The following PACRG variants were observed in gnomAD, a reference collection of about 807,000 sequenced individuals.
PACRG encodes the protein parkin coregulated gene protein.
PACRG carries 29 observed loss-of-function variants against 29.7 expected under a neutral mutation model. That is an observed-to-expected ratio of 0.98 (90% CI 0.73 to 1.33). The LOEUF (loss-of-function observed/expected upper bound fraction) is 1.33. PACRG is among the 40% of genes most tolerant of loss of function. PACRG has a pLI of 0.00. For missense variants in PACRG, 279 were observed against 316.2 expected (o/e 0.88, Z 0.89); for synonymous variants, 116 against 118.7 (o/e 0.98, Z 0.15).
At chr6:162,942,587 C>T (rs1359156793) in intron 2 of PACRG, among the ~76,000 whole-genome samples, 2 of 152,024 alleles carry the variant, frequency 1.3e-5, no homozygotes, top group African/African-American at 4.8e-5. Flanking sequence ...CTGTATGTTC[C>T]AGTTCTTTGG....
intron 2 of PACRG, among the ~76,000 whole-genome samples, chr6:162,861,344 T>C (rs1273657740): frequency 6.6e-6 from 1 of 152,212 alleles, no homozygotes; most frequent in Non-Finnish European, 1.5e-5. Flanking sequence ...TTAGTAAAGA[T>C]TGTTTTAAGA....
chr6:163,142,604 A>G (rs1008263023), intron 4 of PACRG, among the ~76,000 whole-genome samples: 2 of 152,226 alleles, frequency 1.3e-5, no homozygotes, highest in African/African-American at 4.8e-5. Context: ...TCGAAGAAGA[A>G]GGTAGGATAA....
chr6:163,183,344 A>G (rs1779764140), intron 4 of PACRG: 1 of 152,230 alleles, frequency 6.6e-6, no homozygotes, highest in African/African-American at 2.4e-5. Flanking sequence ...TGACTAAGGA[A>G]CTTTATCCTG....
chr6:163,237,813 C>T (rs1368292467), intron 4 of PACRG, among the ~76,000 whole-genome samples: 1 of 152,128 alleles, frequency 6.6e-6, no homozygotes, highest in Admixed American at 6.5e-5. Flanking sequence ...TAGGTTATTA[C>T]TACATGTTTT....
chr6:162,995,072 C>T (rs1375125462), intron 2 of PACRG, among the ~76,000 whole-genome samples: 8 of 151,260 alleles, frequency 5.3e-5, no homozygotes, highest in Non-Finnish European at 8.8e-5. Context: ...GGGTCAGGGA[C>T]CCACTTGAGG....
chr6:162,954,722 T>A (rs75664571), intron 2 of PACRG, among the ~76,000 whole-genome samples: 1 of 152,154 alleles, frequency 6.6e-6, no homozygotes, highest in Non-Finnish European at 1.5e-5. Context: ...GAAAACCTCA[T>A]GTCAAGTAGC....
chr6:163,070,836 A>T (rs1312962887), intron 3 of PACRG, among the ~76,000 whole-genome samples: 2 of 152,058 alleles, frequency 1.3e-5, no homozygotes, highest in African/African-American at 2.4e-5. Context: ...ACACACGTAG[A>T]CTGAAAATAA....
chr6:162,875,907 G>A (rs989090404), intron 2 of PACRG, among the ~76,000 whole-genome samples: 3 of 152,138 alleles, frequency 2.0e-5, no homozygotes, highest in Non-Finnish European at 4.4e-5. Context: ...TTTCCCTGGA[G>A]CTTGAACTCA....
chr6:163,124,771 T>C (rs555550608), intron 4 of PACRG, among the ~76,000 whole-genome samples: 1 of 152,324 alleles, frequency 6.6e-6, no homozygotes, highest in South Asian at 2.1e-4. Context: ...GCCGTACAGC[T>C]GGAGGGTGCA....
At chr6:163,263,345 C>T (rs1783410017) in intron 4 of PACRG, among the ~76,000 whole-genome samples, 1 of 152,066 alleles carries the variant, frequency 6.6e-6, no homozygotes, top group South Asian at 2.1e-4. Flanking sequence ...AAGAGCTTCC[C>T]TCACAGACTT....
intron 2 of PACRG, among the ~76,000 whole-genome samples, chr6:162,978,854 T>C (rs1337449628): frequency 6.6e-6 from 1 of 152,166 alleles, no homozygotes; most frequent in African/African-American, 2.4e-5. Flanking sequence ...CAATTTCCTC[T>C]AGAACATTGA....
At chr6:163,313,547 A>C (rs1341064189) in intron 4 of PACRG, among the ~76,000 whole-genome samples, 1 of 152,248 alleles carries the variant, frequency 6.6e-6, no homozygotes, top group African/African-American at 2.4e-5. Context: ...ATGACTAATT[A>C]AGGATAAAAG....
In PACRG at chr6:163,269,999, GAAA is replaced by G. The variant is rs1562350576; in HGVS notation, c.614-44827_614-44825del. 1.3e-4 allele frequency among the ~76,000 whole-genome samples: 14 copies of G among 110,320 alleles called. 1 individual carries two copies. Among genetic ancestry groups the G allele is most frequent in the African/African-American group, 2.5e-4 (7 of 28,518 alleles). The allele number at this position is 110,320 out of a possible 152,430, so 72.4% of individuals were successfully genotyped here. A position where few individuals can be genotyped will look rare whatever the true frequency, so the allele number is the denominator to read the frequency against. On this transcript the variant is annotated intron_variant, in intron 4 of 4. Coordinates refer to ENST00000366888, the MANE Select transcript of PACRG (RefSeq NM_001080379.2). ...AGAAAGAAAGAAAGAAAGAAAGAAAGAAAGAAAGGAGGGAGGGAGGGAGGGAGG... is the reference window on the plus strand; with the variant it reads ...AGAAAGAAAGAAAGAAAGAAAGAAAGGAAAGGAGGGAGGGAGGGAGGGAGG...
rs565030832 is a variant in PACRG, at chr6:162,909,997, A to C, written c.291+95716A>C. On this transcript the variant is annotated intron_variant, in intron 2 of 4. Transcript: ENST00000366888. ...TATGTATAGTGTTAAAATCAGTGTAAGCTTTAGAGCTAGAATGCCTGGGCT... is the reference window on the plus strand; with the variant it reads ...TATGTATAGTGTTAAAATCAGTGTACGCTTTAGAGCTAGAATGCCTGGGCT... Among the ~76,000 whole-genome samples the C allele has an allele frequency of 4.5e-4, 68 of 152,332 alleles. 1 individual carries two copies. Among genetic ancestry groups the C allele is most frequent in the African/African-American group, 1.6e-3 (67 of 41,582 alleles).
At chr6:162,730,875 T>C (rs1338314224) in intron 1 of PACRG, among the ~76,000 whole-genome samples, 1 of 152,164 alleles carries the variant, frequency 6.6e-6, no homozygotes, top group African/African-American at 2.4e-5. Flanking sequence ...TCATAGTTCA[T>C]TTTCCTTTAA....
chr6:162,784,375 G>A (rs2128317073), intron 1 of PACRG, among the ~76,000 whole-genome samples: 1 of 152,232 alleles, frequency 6.6e-6, no homozygotes, highest in African/African-American at 2.4e-5. Flanking sequence ...TCCCTTGTCT[G>A]CGTGGAAAGG....
intron 3 of PACRG, among the ~76,000 whole-genome samples, chr6:163,083,085 G>T (rs1041007508): frequency 1.3e-5 from 2 of 152,154 alleles, no homozygotes; most frequent in Non-Finnish European, 2.9e-5. Context: ...TTTCCACACT[G>T]ACAGTGTTAA....
intron 4 of PACRG, among the ~76,000 whole-genome samples, chr6:163,116,459 G>A (rs573037290): frequency 1.5e-4 from 23 of 152,234 alleles, no homozygotes; most frequent in Non-Finnish European, 2.9e-4. Context: ...GTATCAAATG[G>A]GGGGGATGTG....
At chr6:163,095,986 C>A (rs1020563027) in intron 4 of PACRG, among the ~76,000 whole-genome samples, 5 of 152,178 alleles carry the variant, frequency 3.3e-5, no homozygotes, top group African/African-American at 1.2e-4. Flanking sequence ...CACTCCTTCA[C>A]ATTGCTGTAA....
Sources: allele counts gnomAD v4.1 joint callset (sites outside exome capture counted in the v4.1 genomes callset), GRCh38; gene constraint gnomAD v4.1.1; transcripts MANE v1.5; gene names NCBI Gene and HGNC (gene_info 2026-07-23, HGNC 2026-07-21).